Variants in GRM5 observed in about 807,000 individuals in gnomAD.
The protein encoded by GRM5 is glutamate metabotropic receptor 5.
A neutral mutation model predicts 83.1 loss-of-function variants in GRM5; 19 were observed. The ratio of observed to expected loss-of-function variants is 0.23; its 90% CI spans 0.16 to 0.34. GRM5 has a LOEUF of 0.34. Ranked by LOEUF, GRM5 falls within the 10% of genes least tolerant of loss-of-function variation. The pLI, the probability that GRM5 is intolerant of heterozygous loss-of-function variation, is 1.00. For synonymous variants in GRM5, 675 were observed against 633.6 expected (o/e 1.07, Z -0.98); for missense variants, 1,160 against 1,588.3 (o/e 0.73, Z 4.58).
At chr11:88,560,637 G>A (rs61901966) in intron 8 of GRM5, among the ~76,000 whole-genome samples, 2 of 152,134 alleles carry the variant, frequency 1.3e-5, no homozygotes, top group African/African-American at 4.8e-5. Flanking sequence ...TCACTCTGAA[G>A]GCAGTGTGAG....
intron 3 of GRM5, among the ~76,000 whole-genome samples, chr11:88,803,746 G>A (rs925927528): frequency 1.8e-4 from 27 of 151,716 alleles, no homozygotes; most frequent in African/African-American, 5.8e-4. Flanking sequence ...GAGTGAACAG[G>A]CAACCTACAA....
intron 3 of GRM5, among the ~76,000 whole-genome samples, chr11:88,754,989 A>T (rs1404909803): frequency 1.4e-5 from 2 of 141,752 alleles, no homozygotes; most frequent in Non-Finnish European, 3.3e-5. Context: ...TGCTCTCCTC[A>T]TATGCAAAAC....
At chr11:88,970,874 G>C (rs1939146508) in intron 2 of GRM5, among the ~76,000 whole-genome samples, 1 of 152,086 alleles carries the variant, frequency 6.6e-6, no homozygotes, top group African/African-American at 2.4e-5. Flanking sequence ...GAAATTTTGG[G>C]GTTGTGCTTT....
chr11:88,961,808 A>G (rs1938792942), intron 2 of GRM5, among the ~76,000 whole-genome samples: 1 of 152,174 alleles, frequency 6.6e-6, no homozygotes, highest in Non-Finnish European at 1.5e-5. Flanking sequence ...AGTTACTAGG[A>G]GATCCTAGAA....
At chr11:88,801,542 G>T (rs377268104) in intron 3 of GRM5, among the ~76,000 whole-genome samples, 44 of 152,172 alleles carry the variant, frequency 2.9e-4, no homozygotes, top group African/African-American at 9.4e-4. Context: ...ATATCTACTT[G>T]TAAATAATCA....
rs1290519501 is a variant in GRM5 at position 88,507,462 on chromosome 11, T to G, written c.*1130A>C. 6.6e-6 allele frequency: 1 copy of G among 152,172 alleles called. No individual in the cohort carries two copies. Among genetic ancestry groups the G allele is most frequent in the East Asian group, 1.9e-4 (1 of 5,192 alleles). 9.4% of individuals were successfully genotyped at this position (152,172 alleles called of 1,614,324 possible). ...GACACAGTTAAAATTTTCAGTGTATTAAGATTGTGTTAATCCTTTCAACAA... is the reference window on the plus strand; with the variant it reads ...GACACAGTTAAAATTTTCAGTGTATGAAGATTGTGTTAATCCTTTCAACAA... On this transcript the variant is annotated 3_prime_UTR_variant, in exon 10 of 10. Transcript: ENST00000305447.
intron 2 of GRM5, among the ~76,000 whole-genome samples, chr11:88,863,530 A>C (rs2135553374): frequency 6.6e-6 from 1 of 152,208 alleles, no homozygotes; most frequent in South Asian, 2.1e-4. Context: ...CAAACACCAC[A>C]TGTTCTCACT....
chr11:89,024,468 T>C (rs11018432), intron 2 of GRM5, among the ~76,000 whole-genome samples: 9,859 of 152,254 alleles, frequency 0.065, 704 homozygotes, highest in African/African-American at 0.18. Context: ...AATGAAGAAG[T>C]TTATTTTGGC....
At chr11:88,828,666 A>T (rs960640608) in intron 3 of GRM5, among the ~76,000 whole-genome samples, 1 of 152,180 alleles carries the variant, frequency 6.6e-6, no homozygotes, top group African/African-American at 2.4e-5. Flanking sequence ...TCAAGAAAAT[A>T]GTATCATTAG....
intron 2 of GRM5, among the ~76,000 whole-genome samples, chr11:88,875,102 G>T (rs1206773979): frequency 1.4e-5 from 2 of 147,464 alleles, no homozygotes; most frequent in African/African-American, 2.5e-5. Context: ...TTTCATGAAA[G>T]ATTTCTTGGT....
At chr11:88,825,648 T>C (rs1190510658) in intron 3 of GRM5, among the ~76,000 whole-genome samples, 1 of 152,184 alleles carries the variant, frequency 6.6e-6, no homozygotes, top group East Asian at 1.9e-4. Flanking sequence ...GTTTTAAATA[T>C]GAATAAATCT....
At chr11:89,016,442 CTTG>C (rs1296295043) in intron 2 of GRM5, among the ~76,000 whole-genome samples, 1 of 151,768 alleles carries the variant, frequency 6.6e-6, no homozygotes, top group Non-Finnish European at 1.5e-5. Context: ...TAACAATATT[CTTG>C]TTGTCTTTAA....
rs1045292986 is a variant in GRM5, at chr11:88,696,443, C to G, written c.912-43040G>C. Among the ~76,000 whole-genome samples the G allele has an allele frequency of 1.5e-4, 23 of 152,206 alleles. No homozygotes were observed. The South Asian group carries it at 1.9e-3, about 12-fold the overall frequency. ...GTGGAGCCTTTGTCAGGGACCCCAC[C>G]CTTCTCTACCCAGCACTTCCCTGCC... On this transcript the variant is annotated intron_variant, in intron 3 of 9. Transcript: ENST00000305447.
intron 2 of GRM5, among the ~76,000 whole-genome samples, chr11:88,899,429 G>A (rs963570461): frequency 6.6e-6 from 1 of 151,888 alleles, no homozygotes; most frequent in African/African-American, 2.4e-5. Flanking sequence ...GGATAATTAG[G>A]AAGTGGATAA....
chr11:88,512,017 C>G (rs1017978554), intron 9 of GRM5: 1 of 152,202 alleles, frequency 6.6e-6, no homozygotes, highest in African/African-American at 2.4e-5. Flanking sequence ...GTTTTGCAAA[C>G]ACTAGCTTTT....
intron 2 of GRM5, among the ~76,000 whole-genome samples, chr11:88,958,951 G>C (rs190217110): frequency 2.0e-5 from 3 of 152,204 alleles, no homozygotes; most frequent in Admixed American, 2.0e-4. Context: ...AGTTTGCAAA[G>C]TGTCAGACTT....
At chr11:88,584,718 A>G (rs181524384) in intron 7 of GRM5, among the ~76,000 whole-genome samples, 2 of 152,342 alleles carry the variant, frequency 1.3e-5, no homozygotes, top group Admixed American at 1.3e-4. Flanking sequence ...TGTTGAGATT[A>G]CAGGCATGAG....
At chr11:88,519,225 G>T (rs564178960) in intron 9 of GRM5, among the ~76,000 whole-genome samples, 1 of 151,752 alleles carries the variant, frequency 6.6e-6, no homozygotes, top group Admixed American at 6.6e-5. Flanking sequence ...AGAAATGAAG[G>T]ATAATCCAGA....
At position 88,597,341 on chromosome 11, in the gene GRM5, ATT is replaced by A. The variant is rs777549983; in HGVS notation, c.1404_1405del (p.Met469GlufsTer11). ...ATCTTTTCCCATTTCCTTGAAATTC[ATT>A]ATTTCATACCTTAGGAATAAGAATA... On this transcript the variant is annotated frameshift_variant, in exon 6 of 10. Coordinates refer to ENST00000305447, the MANE Select transcript of GRM5 (RefSeq NM_001143831.3). LOFTEE classifies it high-confidence loss of function. 1 of 1,480,304 alleles carries A rather than the reference ATT, an allele frequency of 6.8e-7. No homozygotes were observed. The highest frequency in any genetic ancestry group is 9.4e-7 in the Non-Finnish European group (1 of 1,063,888). The allele number at this position is 1,480,304 out of a possible 1,614,324, so 91.7% of individuals were successfully genotyped here.
Sources: gnomAD v4.1 joint callset for allele counts (sites outside exome capture counted in the v4.1 genomes callset) on GRCh38, gnomAD v4.1.1 for gene constraint, MANE v1.5 for transcripts, NCBI Gene and HGNC (gene_info 2026-07-23, HGNC 2026-07-21) for gene names.